NELL1: variants seen among roughly 807,000 people sequenced by gnomAD.
NELL1 encodes the protein protein kinase C-binding protein NELL1.
In NELL1, 76 loss-of-function variants were observed where a neutral mutation model predicts 107.4. The ratio of observed to expected loss-of-function variants is 0.71; its 90% CI spans 0.59 to 0.86. The LOEUF is 0.86. Among genes scored for constraint, NELL1 ranks in the 40% least tolerant of loss-of-function variants. The probability of loss-of-function intolerance (pLI) is 0.00; values close to 1 mark genes in which losing one functional copy is unlikely to be tolerated. For missense variants in NELL1, 1,024 were observed against 1,005.5 expected, an observed-to-expected ratio of 1.02 and a Z score of -0.25; for synonymous variants, 353 against 341.2, an observed-to-expected ratio of 1.03 and a Z score of -0.38.
At chr11:20,943,056 T>G (rs1412458442) in intron 10 of NELL1, among the ~76,000 whole-genome samples, 1 of 62,898 alleles carries the variant, frequency 1.6e-5, no homozygotes, top group African/African-American at 1.5e-4. Flanking sequence ...TCTTTTACTG[T>G]TTTTTTTTTT....
At chr11:21,210,169 A>G (rs1371269294) in intron 13 of NELL1, among the ~76,000 whole-genome samples, 1 of 152,072 alleles carries the variant, frequency 6.6e-6, no homozygotes, top group Non-Finnish European at 1.5e-5. Flanking sequence ...AATCTTTTGG[A>G]TATTATGAAT....
At chr11:21,497,840 G>A (rs190536805) in intron 15 of NELL1, among the ~76,000 whole-genome samples, 24 of 152,070 alleles carry the variant, frequency 1.6e-4, no homozygotes, top group Admixed American at 1.2e-3. Context: ...CTGCTTTGCT[G>A]TATATTGTAT....
chr11:21,472,354 T>C (rs181730074), intron 15 of NELL1, among the ~76,000 whole-genome samples: 27 of 152,144 alleles, frequency 1.8e-4, no homozygotes, highest in African/African-American at 6.3e-4. Flanking sequence ...TTGCTTTCTC[T>C]TAACCTGAGT....
chr11:21,150,492 G>C (rs1465783322), intron 13 of NELL1, among the ~76,000 whole-genome samples: 1 of 152,090 alleles, frequency 6.6e-6, no homozygotes, highest in East Asian at 1.9e-4. Context: ...CATAAGAAGG[G>C]CATGAGGGAC....
In NELL1 at chr11:21,147,317, G is replaced by A. The variant is rs374765203; in HGVS notation, c.1426+33603G>A. 1.6e-3 allele frequency among the ~76,000 whole-genome samples: 238 copies of A among 152,230 alleles called. 1 individual carries two copies. The highest frequency in any genetic ancestry group is 5.6e-3 in the African/African-American group (231 of 41,526). ...AAGGAACATTTTGAATCTCTCTGTGGGAGATGTAATGTGCCGCATTCCCCA... is the reference window on the plus strand; with the variant it reads ...AAGGAACATTTTGAATCTCTCTGTGAGAGATGTAATGTGCCGCATTCCCCA... On this transcript the variant is annotated intron_variant, in intron 13 of 19. Transcript: ENST00000357134.
intron 13 of NELL1, among the ~76,000 whole-genome samples, chr11:21,134,358 C>T (rs1855694115): frequency 6.6e-6 from 1 of 152,092 alleles, no homozygotes; most frequent in South Asian, 2.1e-4. Context: ...GAGTCTTCCT[C>T]AGTGGAAGGA....
intron 12 of NELL1, among the ~76,000 whole-genome samples, chr11:21,003,972 C>T (rs1852277558): frequency 6.6e-6 from 1 of 152,020 alleles, no homozygotes; most frequent in African/African-American, 2.4e-5. Flanking sequence ...ATAGAGGACT[C>T]ATACAGATTT....
In NELL1 at chr11:21,374,887, CTGTGTGTGTGTG is replaced by C. The variant is rs10566953; in HGVS notation, c.1645+3969_1645+3980del. Among the ~76,000 whole-genome samples the C allele has an allele frequency of 3.0e-3, 434 of 143,844 alleles. 2 individuals are homozygous for C. Among genetic ancestry groups the C allele is most frequent in the Admixed American group, 7.3e-3 (105 of 14,476 alleles). 94.4% of individuals were successfully genotyped at this position (143,844 alleles called of 152,430 possible). On this transcript the variant is annotated intron_variant, in intron 15 of 19. Transcript: ENST00000357134. ...GCTGTGTGGAACTGACTGTGTGTGT[CTGTGTGTGTGTG>C]TGTGTGTGTGTGTGTGTGTGTGTGT...
chr11:21,161,670 A>T (rs187745961), intron 13 of NELL1, among the ~76,000 whole-genome samples: 8 of 152,310 alleles, frequency 5.3e-5, no homozygotes, highest in East Asian at 1.9e-4. Flanking sequence ...CAAATTTTTT[A>T]AAGTAAGAAA....
chr11:20,861,139 T>C (rs1397760532), intron 4 of NELL1, among the ~76,000 whole-genome samples: 1 of 152,212 alleles, frequency 6.6e-6, no homozygotes, highest in Non-Finnish European at 1.5e-5. Flanking sequence ...AGGTGCAAAG[T>C]ATTTAAAGAT....
At chr11:21,309,225 A>G (rs1468351976) in intron 14 of NELL1, among the ~76,000 whole-genome samples, 1 of 144,854 alleles carries the variant, frequency 6.9e-6, no homozygotes, top group Non-Finnish European at 1.5e-5. Flanking sequence ...TGCCTCTTAA[A>G]GCCTATTAAA....
intron 3 of NELL1, among the ~76,000 whole-genome samples, chr11:20,791,934 A>C (rs1160225561): frequency 6.6e-6 from 1 of 152,074 alleles, no homozygotes; most frequent in South Asian, 2.1e-4. Context: ...TCAGAAAGCT[A>C]TACCAAACTT....
intron 14 of NELL1, among the ~76,000 whole-genome samples, chr11:21,237,889 G>A (rs1428221931): frequency 6.6e-6 from 1 of 151,246 alleles, no homozygotes; most frequent in Non-Finnish European, 1.5e-5. Context: ...CTTTTTCTTT[G>A]CCTAGGTAAT....
intron 13 of NELL1, among the ~76,000 whole-genome samples, chr11:21,182,452 A>G (rs1245444132): frequency 5.3e-5 from 8 of 151,484 alleles, no homozygotes; most frequent in Admixed American, 2.6e-4. Flanking sequence ...AAAAAAAAAA[A>G]AAAGAAAGAA....
intron 13 of NELL1, among the ~76,000 whole-genome samples, chr11:21,225,739 T>TTAGTAG (rs755089816): frequency 6.6e-6 from 1 of 152,082 alleles, no homozygotes; most frequent in Non-Finnish European, 1.5e-5. Flanking sequence ...ATTAGTAGAA[T>TTAGTAG]TAGTAGTAGT....
intron 13 of NELL1, among the ~76,000 whole-genome samples, chr11:21,188,210 G>A (rs868479079): frequency 1.3e-5 from 2 of 151,948 alleles, no homozygotes; most frequent in Middle Eastern, 3.4e-3. Flanking sequence ...TTTTCCTACA[G>A]TCAGTATCAT....
chr11:21,068,032 CAAAAAAAAAAAA>C lies in NELL1; in HGVS notation c.1301-45541_1301-45530del, dbSNP rs1195285619. Among the ~76,000 whole-genome samples the C allele has an allele frequency of 1.5e-3, 59 of 40,386 alleles. 1 individual carries two copies. The highest frequency in any genetic ancestry group is 1.6e-3 in the Non-Finnish European group (38 of 24,308). The allele number at this position is 40,386 out of a possible 152,430, so 26.5% of individuals were successfully genotyped here. A position where few individuals can be genotyped will look rare whatever the true frequency, so the allele number is the denominator to read the frequency against. On this transcript the variant is annotated intron_variant, in intron 12 of 19. Coordinates refer to ENST00000357134, the MANE Select transcript of NELL1 (RefSeq NM_006157.5). ...TGGGCAACAGAGTGAGATGCCATCTCAAAAAAAAAAAAAAAAAAAAAAAAAAAGACCTCTATT... is the reference window on the plus strand; with the variant it reads ...TGGGCAACAGAGTGAGATGCCATCTCAAAAAAAAAAAAAAAGACCTCTATT...
chr11:21,556,486 GAGCCATTTGGCTT>G (rs1187771680), intron 16 of NELL1, among the ~76,000 whole-genome samples: 1 of 151,974 alleles, frequency 6.6e-6, no homozygotes, highest in Non-Finnish European at 1.5e-5. Flanking sequence ...AATTTCTGCA[GAGCCATTTGGCTT>G]GAAGGGTAGG....
intron 15 of NELL1, among the ~76,000 whole-genome samples, chr11:21,529,683 T>A (rs1855948100): frequency 6.6e-6 from 1 of 152,190 alleles, no homozygotes; most frequent in African/African-American, 2.4e-5. Context: ...CCAGAAATAA[T>A]CTCTTAGTCC....
Sources: allele counts gnomAD v4.1 joint callset (sites outside exome capture counted in the v4.1 genomes callset), GRCh38; gene constraint gnomAD v4.1.1; transcripts MANE v1.5; gene names NCBI Gene and HGNC (gene_info 2026-07-23, HGNC 2026-07-21).